Variants in POP1 observed in about 807,000 individuals in gnomAD.
The protein encoded by POP1 is ribonucleases P/MRP protein subunit POP1.
POP1 carries 75 observed loss-of-function variants against 102.2 expected under a neutral mutation model. The ratio of observed to expected loss-of-function variants is 0.73; its 90% CI spans 0.61 to 0.89. The LOEUF (loss-of-function observed/expected upper bound fraction) is 0.89, where lower values mean the gene tolerates loss of function less well. POP1 is among the 40% of genes least tolerant of loss of function. The probability of loss-of-function intolerance (pLI) is 0.00; values close to 1 mark genes in which losing one functional copy is unlikely to be tolerated. For synonymous variants in POP1, 436 were observed against 464.1 expected, an observed-to-expected ratio of 0.94 and a Z score of 0.78; for missense variants, 1,116 against 1,267.4, an observed-to-expected ratio of 0.88 and a Z score of 1.81.
In POP1 at chr8:98,156,189, G is replaced by A; in HGVS notation, c.2197G>A (p.Gly733Ser). ...ACCTTCTGTAGCTTCATCTCCAAAT[G>A]GTAAGGAGAGTGACCTAAGAAGATC... ...EEPSVASSPN[G>S]KESDLRRSEV... Residue 733 changes from glycine to serine, a missense_variant, in exon 15 of 16, where the codon GGT becomes AGT. Physicochemically the swap from Gly to Ser is moderately conservative, Grantham distance 56. Transcript: ENST00000401707. 1 of 1,613,998 alleles carries A rather than the reference G, an allele frequency of 6.2e-7. No individual in the cohort carries two copies. Among genetic ancestry groups the A allele is most frequent in the African/African-American group, 1.3e-5 (1 of 74,962 alleles).
At chr8:98,128,593 T>G in intron 4 of POP1, 53 bp downstream of exon 4, 1 of 1,572,714 alleles carries the variant, frequency 6.4e-7, no homozygotes, top group Non-Finnish European at 8.7e-7. Context: ...TAGAAGAAAT[T>G]GAGAAGTATT....
chr8:98,157,254 A>G (rs1402440385), intron 15 of POP1, among the ~76,000 whole-genome samples: 1 of 152,050 alleles, frequency 6.6e-6, no homozygotes, highest in Non-Finnish European at 1.5e-5. Context: ...ATAATTTCCT[A>G]TCATTCTTTC....
chr8:98,122,669 ATAT>A (rs1338142519), intron 1 of POP1, among the ~76,000 whole-genome samples: 8 of 152,180 alleles, frequency 5.3e-5, no homozygotes, highest in African/African-American at 1.7e-4. Flanking sequence ...ACAGAAATAC[ATAT>A]TATTTTATTA....
At chr8:98,140,544 G>T (rs1268777762) in intron 10 of POP1, among the ~76,000 whole-genome samples, 2 of 152,144 alleles carry the variant, frequency 1.3e-5, no homozygotes, top group East Asian at 1.9e-4. Flanking sequence ...TTTCATAAAA[G>T]AACCTTTTTT....
At chr8:98,144,193 A>G (rs1816783476) in intron 11 of POP1, among the ~76,000 whole-genome samples, 1 of 152,090 alleles carries the variant, frequency 6.6e-6, no homozygotes. Context: ...GTGTCTTCTC[A>G]TGGCTCAATA....
At position 98,150,556 on chromosome 8, in the gene POP1, T is replaced by C; in HGVS notation, c.1974T>C (p.Asn658=). The change falls in exon 14 of 16, where the codon AAT becomes AAC. Residue 658 remains asparagine, a synonymous_variant. Coordinates refer to ENST00000401707, the MANE Select transcript of POP1 (RefSeq NM_001145860.2). ...AVHSQYKRSP[N]VPGDFPDCPA... ...ATTCTCAGTATAAGAGGTCGCCTAA[T>C]GTCCCAGGCGATTTTCCAGACTGCC... The C allele has an allele frequency of 1.9e-6, 3 of 1,614,136 alleles. No individual in the cohort carries two copies. The highest frequency in any genetic ancestry group is 2.5e-6 in the Non-Finnish European group (3 of 1,179,944).
chr8:98,156,206 A>G lies in POP1; in HGVS notation c.2214A>G (p.Leu738=). The change falls in exon 15 of 16, where the codon CTA becomes CTG. Residue 738 remains leucine (L), a synonymous_variant. Transcript: ENST00000401707. ...CTCCAAATGGTAAGGAGAGTGACCT[A>G]AGAAGATCTGAGGTGCCTTGTGCTC... is the stretch of plus-strand genomic sequence containing the variant. ...ASSPNGKESD[L]RRSEVPCAPM... The G allele has an allele frequency of 6.2e-7, 1 of 1,614,038 alleles. No homozygotes were observed.
intron 1 of POP1, among the ~76,000 whole-genome samples, chr8:98,121,416 T>C (rs1816015770): frequency 6.6e-6 from 1 of 152,082 alleles, no homozygotes; most frequent in Non-Finnish European, 1.5e-5. Flanking sequence ...CTGGCATTTA[T>C]TGGGCAGGGA....
chr8:98,139,172 G>A (rs1273892794), intron 9 of POP1, among the ~76,000 whole-genome samples: 7 of 152,106 alleles, frequency 4.6e-5, no homozygotes, highest in African/African-American at 1.4e-4. Context: ...TTTAGGATCC[G>A]TAAGTGCACA....
chr8:98,127,739 A>G lies in POP1; in HGVS notation c.287A>G (p.Gln96Arg). ...AAAGCAGGTCCCGAGGGCACGTCTC[A>G]GGAGATCCCCAAGTATATAACTGGT... is the stretch of plus-strand genomic sequence containing the variant. ...GWKAGPEGTSQEIPKYITAST... is the reference protein window; with the variant it reads ...GWKAGPEGTSREIPKYITAST... The change falls in exon 3 of 16, where the codon CAG (glutamine) becomes CGG (arginine). Residue 96 changes from glutamine (Q) to arginine (R), a missense_variant. Coordinates refer to ENST00000401707, the MANE Select transcript of POP1 (RefSeq NM_001145860.2). 6.2e-7 allele frequency: 1 copy of G among 1,614,062 alleles called. No homozygotes were observed. Among genetic ancestry groups the G allele is most frequent in the Non-Finnish European group, 8.5e-7 (1 of 1,179,948 alleles).
intron 14 of POP1, 24 bp downstream of exon 14, chr8:98,150,663 T>G (rs1194180320): frequency 1.9e-6 from 3 of 1,609,790 alleles, no homozygotes; most frequent in Admixed American, 1.7e-5. Flanking sequence ...TTCTCTAATT[T>G]GATAATGTAT....
Position 98,127,668 on chromosome 8 carries a change from T to C in POP1, c.216T>C (p.Asn72=). The change falls in exon 3 of 16, where the codon AAT becomes AAC. Residue 72 remains asparagine, a synonymous_variant. Transcript: ENST00000401707. ...NPHSLPDPEV[N]EQSSSKGMFR... is the part of the protein sequence containing the mutation. ...ATTCTCTGCCTGACCCTGAAGTGAA[T>C]GAGCAGTCTTCCTCCAAAGGGATGT... is the stretch of plus-strand genomic sequence containing the variant. The C allele has an allele frequency of 6.2e-7, 1 of 1,614,162 alleles. No homozygotes were observed. Among genetic ancestry groups the C allele is most frequent in the South Asian group, 1.1e-5 (1 of 91,082 alleles).
intron 1 of POP1, among the ~76,000 whole-genome samples, 151 bp from the exon 2 acceptor site, chr8:98,123,185 T>C (rs1452830361): frequency 3.9e-5 from 6 of 152,250 alleles, no homozygotes; most frequent in Non-Finnish European, 7.3e-5. Flanking sequence ...TATGATTTAA[T>C]TATTTGACAG....
chr8:98,122,497 A>G (rs1318200885), intron 1 of POP1, among the ~76,000 whole-genome samples: 1 of 152,186 alleles, frequency 6.6e-6, no homozygotes, highest in Non-Finnish European at 1.5e-5. Context: ...TAGCAATGAA[A>G]GAGTTAATCA....
chr8:98,120,786 A>G (rs1815994397), intron 1 of POP1, among the ~76,000 whole-genome samples: 1 of 152,062 alleles, frequency 6.6e-6, no homozygotes, highest in African/African-American at 2.4e-5. Context: ...AGCTGGGACT[A>G]CAGGCGCCCG....
Position 98,130,018 on chromosome 8 carries a change from A to T in POP1, c.527A>T (p.Asn176Ile). 1 of 1,614,096 alleles carries T rather than the reference A, an allele frequency of 6.2e-7. No individual in the cohort carries two copies. ...CATCAGAAAAAAGAACATTCAAAAA[A>T]TAAATGCCATAAAGCTCGAAGATGT... ...AVHQKKEHSK[N>I]KCHKARRCHM... Residue 176 changes from asparagine (N) to isoleucine (I), a missense_variant, in exon 5 of 16, where the codon AAT becomes ATT. Coordinates refer to ENST00000401707, the MANE Select transcript of POP1 (RefSeq NM_001145860.2).
At chr8:98,130,322 GT>G in intron 5 of POP1, 96 bp downstream of exon 5, 1 of 1,525,484 alleles carries the variant, frequency 6.6e-7, no homozygotes, top group Non-Finnish European at 9.0e-7. Context: ...CCCCGTTTAT[GT>G]GATTATTCAT....
intron 1 of POP1, among the ~76,000 whole-genome samples, chr8:98,118,127 T>G (rs565839708): frequency 7.9e-5 from 12 of 152,234 alleles, no homozygotes; most frequent in Non-Finnish European, 1.5e-4. Flanking sequence ...TTGTCCTACA[T>G]ACTGCTAAGG....
At chr8:98,125,510 T>G (rs191415297) in intron 2 of POP1, among the ~76,000 whole-genome samples, 131 of 151,486 alleles carry the variant, frequency 8.6e-4, no homozygotes, top group African/African-American at 3.0e-3. Flanking sequence ...AATGTTGTCT[T>G]ATAGTCATAA....
Sources: gnomAD v4.1 joint callset for allele counts (sites outside exome capture counted in the v4.1 genomes callset) on GRCh38, gnomAD v4.1.1 for gene constraint, MANE v1.5 for transcripts, NCBI Gene and HGNC (gene_info 2026-07-23, HGNC 2026-07-21) for gene names.